The following MTPN variants were observed in gnomAD, a reference collection of about 807,000 sequenced individuals.
MTPN encodes myotrophin.
Under a neutral mutation model 13.5 loss-of-function variants are expected in MTPN, and 2 were observed. That is an observed-to-expected ratio of 0.15 (90% CI 0.06 to 0.47). The LOEUF is 0.47. Among genes scored for constraint, MTPN ranks in the 20% least tolerant of loss-of-function variants. The pLI is 0.97. For synonymous variants in MTPN, 46 were observed against 51.7 expected (o/e 0.89, Z 0.48); for missense variants, 79 against 137.9 (o/e 0.57, Z 2.14).
intron 1 of MTPN, among the ~76,000 whole-genome samples, chr7:135,970,469 T>C (rs946217114): frequency 6.6e-6 from 1 of 152,206 alleles, no homozygotes; most frequent in African/African-American, 2.4e-5. Flanking sequence ...CTTTATTCTT[T>C]TCTGTTTTAA....
At chr7:135,943,692 C>A (rs928141663) in intron 3 of MTPN, among the ~76,000 whole-genome samples, 3 of 152,092 alleles carry the variant, frequency 2.0e-5, no homozygotes, top group Non-Finnish European at 4.4e-5. Flanking sequence ...CTAAAATTAG[C>A]GCTGCATAAC....
rs527999645 is a variant in MTPN, at chr7:135,955,725, A to G, written c.73-4095T>C. Reference sequence around the variant, plus strand: ...CACTATGTAAAAAGGATAATATACCATGACCAGTGGGGTTTATCCCAGGAA... The same window carrying G: ...CACTATGTAAAAAGGATAATATACCGTGACCAGTGGGGTTTATCCCAGGAA... On this transcript the variant is annotated intron_variant, in intron 1 of 3. Transcript: ENST00000393085. 5.0e-4 allele frequency among the ~76,000 whole-genome samples: 76 copies of G among 152,344 alleles called. 1 individual carries two copies. Among genetic ancestry groups the G allele is most frequent in the African/African-American group, 1.2e-3 (49 of 41,590 alleles).
At chr7:135,945,467 T>A (rs1584810038) in intron 3 of MTPN, among the ~76,000 whole-genome samples, 2 of 152,178 alleles carry the variant, frequency 1.3e-5, no homozygotes, top group African/African-American at 4.8e-5. Flanking sequence ...TGTAAGTTTT[T>A]ATCTAATTAA....
rs546302368 is a variant in MTPN at position 135,947,733 on chromosome 7, T to C, written c.270+2866A>G. 2.2e-4 allele frequency among the ~76,000 whole-genome samples: 33 copies of C among 152,232 alleles called. 1 individual carries two copies. The South Asian group carries it at 6.8e-3, about 32-fold the overall frequency. On this transcript the variant is annotated intron_variant, in intron 3 of 3. Transcript: ENST00000393085. ...GGAACAAATCTTGATTCCATTACAT[T>C]GTATTTGACTTTCAAGCAGTTAGAC...
At chr7:135,940,018 G>A (rs973400689) in intron 3 of MTPN, among the ~76,000 whole-genome samples, 1 of 152,124 alleles carries the variant, frequency 6.6e-6, no homozygotes, top group Non-Finnish European at 1.5e-5. Context: ...ATGTACTACT[G>A]TATCATTAGA....
At chr7:135,951,478 C>A in intron 2 of MTPN, 39 bp downstream of exon 2, 1 of 1,385,288 alleles carries the variant, frequency 7.2e-7, no homozygotes, top group Non-Finnish European at 1.0e-6. Context: ...AGCATATTAA[C>A]AGAAAATTTT....
chr7:135,938,079 T>C (rs908203876), intron 3 of MTPN, among the ~76,000 whole-genome samples: 10 of 152,322 alleles, frequency 6.6e-5, no homozygotes, highest in East Asian at 3.9e-4. Context: ...AACCCCTGCA[T>C]TGTTCAAGGG....
At chr7:135,966,730 G>A (rs1046578011) in intron 1 of MTPN, among the ~76,000 whole-genome samples, 1 of 152,114 alleles carries the variant, frequency 6.6e-6, no homozygotes, top group Admixed American at 6.6e-5. Flanking sequence ...CTAGATAGAC[G>A]CATCCAATTA....
chr7:135,962,828 T>C (rs1306329038), intron 1 of MTPN, among the ~76,000 whole-genome samples: 1 of 152,078 alleles, frequency 6.6e-6, no homozygotes, highest in Admixed American at 6.6e-5. Context: ...TAGTACTCTT[T>C]ATGCTATTTC....
At chr7:135,954,272 G>A (rs916461531) in intron 1 of MTPN, among the ~76,000 whole-genome samples, 4 of 152,116 alleles carry the variant, frequency 2.6e-5, no homozygotes, top group Non-Finnish European at 5.9e-5. Context: ...GTGGATTCCT[G>A]GTACTGGCTT....
intron 3 of MTPN, among the ~76,000 whole-genome samples, chr7:135,935,379 C>G (rs981492118): frequency 4.6e-5 from 7 of 152,088 alleles, no homozygotes; most frequent in Admixed American, 4.6e-4. Flanking sequence ...GCTGGGATTA[C>G]AGGTGCATAC....
rs1798976684 is a variant in MTPN at position 135,929,294 on chromosome 7, G to A, written c.*632C>T. ...AGAGACATGAAATCCATGTGAAAGG[G>A]GAGAGAAAATCCAAAGTTCAGTCAT... On this transcript the variant is annotated 3_prime_UTR_variant, in exon 4 of 4. Coordinates refer to ENST00000393085, the MANE Select transcript of MTPN (RefSeq NM_145808.4). 1.2e-5 allele frequency: 2 copies of A among 166,966 alleles called. No individual in the cohort carries two copies. The highest frequency in any genetic ancestry group is 4.8e-5 in the African/African-American group (2 of 41,408). 10.3% of individuals were successfully genotyped at this position (166,966 alleles called of 1,614,324 possible).
chr7:135,946,932 T>TACC lies in MTPN; in HGVS notation c.270+3664_270+3666dup, dbSNP rs972417401. Among the ~76,000 whole-genome samples, 24 of 152,182 alleles carry TACC rather than the reference T, an allele frequency of 1.6e-4. 1 individual carries two copies. Among genetic ancestry groups the TACC allele is most frequent in the African/African-American group, 5.5e-4 (23 of 41,454 alleles). On this transcript the variant is annotated intron_variant, in intron 3 of 3. Coordinates refer to ENST00000393085, the MANE Select transcript of MTPN (RefSeq NM_145808.4). ...CACACTCTCACTCCTCTGCTGCTGC[T>TACC]ACCTCTTCAAGGATGCTTCTTGAGC...
chr7:135,951,701 ATACT>A, intron 1 of MTPN, 71 bp from the exon 2 acceptor site: 1 of 952,756 alleles, frequency 1.0e-6, no homozygotes, highest in Non-Finnish European at 1.6e-6. Flanking sequence ...GAGGCACCTG[ATACT>A]TTTACTTTCT....
chr7:135,950,095 A>C (rs1476047227), intron 3 of MTPN, among the ~76,000 whole-genome samples: 3 of 152,222 alleles, frequency 2.0e-5, no homozygotes, highest in African/African-American at 7.2e-5. Context: ...AAGACAAAAA[A>C]GGTAGGAAAA....
rs190658036 is a variant in MTPN at position 135,929,864 on chromosome 7, A to G, written c.*62T>C. 19 of 1,479,236 alleles carry G rather than the reference A, an allele frequency of 1.3e-5. No homozygotes were observed. Among genetic ancestry groups the G allele is most frequent in the African/African-American group, 4.1e-5 (3 of 72,294 alleles). The allele number at this position is 1,479,236 out of a possible 1,614,324, so 91.6% of individuals were successfully genotyped here. On this transcript the variant is annotated 3_prime_UTR_variant, in exon 4 of 4. Transcript: ENST00000393085. Reference sequence around the variant, plus strand: ...CTGGCAGATAGAGAGTGACAGACAGACAGGCAGCAGTGTGAGGCCACAGGA... The same window carrying G: ...CTGGCAGATAGAGAGTGACAGACAGGCAGGCAGCAGTGTGAGGCCACAGGA...
chr7:135,977,011 C>G lies in MTPN; in HGVS notation c.72+18G>C, dbSNP rs376399561. 1 of 1,546,378 alleles carries G rather than the reference C, an allele frequency of 6.5e-7. No homozygotes were observed. The highest frequency in any genetic ancestry group is 8.8e-7 in the Non-Finnish European group (1 of 1,137,404). ...GCCCACCTCCGTGTTCTCGCCTACT[C>G]TTCTCATCCCCGCTTACCTTGGCCA... On this transcript the variant is annotated intron_variant, in intron 1 of 3. Transcript: ENST00000393085.
In MTPN at chr7:135,929,033, TAAAG is replaced by T. The variant is rs551105019; in HGVS notation, c.*889_*892del. ...AAGGTCAATCCATTCAAACAGCAAA[TAAAG>T]AAAATCCATAGGTACTAAGATAACT... On this transcript the variant is annotated 3_prime_UTR_variant, in exon 4 of 4. Transcript: ENST00000393085. 140 of 167,140 alleles carry T rather than the reference TAAAG, an allele frequency of 8.4e-4. No homozygotes were observed. The highest frequency in any genetic ancestry group is 3.0e-3 in the African/African-American group (123 of 41,552). The allele number at this position is 167,140 out of a possible 1,614,324, so 10.4% of individuals were successfully genotyped here. A position where few individuals can be genotyped will look rare whatever the true frequency, so the allele number is the denominator to read the frequency against.
At chr7:135,957,031 T>C (rs904765775) in intron 1 of MTPN, among the ~76,000 whole-genome samples, 1 of 152,226 alleles carries the variant, frequency 6.6e-6, no homozygotes, top group Non-Finnish European at 1.5e-5. Context: ...AGCTTCCCTT[T>C]ACTCTTAAAA....
Sources: gnomAD v4.1 joint callset for allele counts (sites outside exome capture counted in the v4.1 genomes callset) on GRCh38, gnomAD v4.1.1 for gene constraint, MANE v1.5 for transcripts, NCBI Gene and HGNC (gene_info 2026-07-23, HGNC 2026-07-21) for gene names.